The following RPL29 variants were observed in gnomAD, a reference collection of about 807,000 sequenced individuals.
The protein encoded by RPL29 is ribosomal protein L29, also known as large ribosomal subunit protein eL29.
In RPL29, 4 loss-of-function variants were observed where a neutral mutation model predicts 7.2. That is an observed-to-expected ratio of 0.55 (90% CI 0.27 to 1.26). The LOEUF (loss-of-function observed/expected upper bound fraction) is 1.26. Ranked by LOEUF, RPL29 falls within the 50% of genes most tolerant of loss-of-function variation. The probability of loss-of-function intolerance (pLI) is 0.11; values close to 1 mark genes in which losing one functional copy is unlikely to be tolerated. For missense variants in RPL29, 148 were observed against 209.1 expected, an observed-to-expected ratio of 0.71 and a Z score of 1.80; for synonymous variants, 73 against 72.8, an observed-to-expected ratio of 1.00 and a Z score of -0.01.
Position 51,995,422 on chromosome 3 carries a change from T to TA in RPL29, c.37+2dup, listed in dbSNP as rs773459190. 6.2e-7 allele frequency: 1 copy of TA among 1,614,198 alleles called. No homozygotes were observed. Among genetic ancestry groups the TA allele is most frequent in the South Asian group, 1.1e-5 (1 of 91,088 alleles). The stretch of plus-strand genomic sequence containing the variant: ...GGATGTAGGCAGGGCCCAAAAAACT[T>TA]ACACTGGTTGTGTGTGGTGTGGTTC... On this transcript the variant is annotated splice_region_variant and intron_variant, in intron 2 of 3. Coordinates refer to ENST00000294189, the MANE Select transcript of RPL29 (RefSeq NM_000992.3).
rs1046507671 is a variant in RPL29, at chr3:51,993,752, C to T, written c.477G>A (p.Glu159=). The change falls in exon 4 of 4, where the codon GAG becomes GAA. Residue 159 remains glutamate (E), a synonymous_variant. Coordinates refer to ENST00000294189, the MANE Select transcript of RPL29 (RefSeq NM_000992.3). ...GTCCTCATGTTGGCAGAGATATCTA[C>T]TCTGAAGCCTTTGTAGGGGCCTGGG... ...KRTQAPTKAS[E] 1.3e-6 allele frequency: 2 copies of T among 1,589,330 alleles called. No individual in the cohort carries two copies. The highest frequency in any genetic ancestry group is 3.4e-5 in the Admixed American group (2 of 59,288).
At chr3:51,995,807 G>A (rs1200391969) in intron 1 of RPL29, 50 bp downstream of exon 1, 5 of 332,716 alleles carry the variant, frequency 1.5e-5, no homozygotes, top group Non-Finnish European at 2.8e-5. Context: ...GCGCCCCGCC[G>A]CCACCCGTAA....
Position 51,993,729 on chromosome 3 carries a change from C to T in RPL29, c.*20G>A, listed in dbSNP as rs1344681098. ...TGGGGGGTCGCACCAGTCCTTCTGT[C>T]CTCATGTTGGCAGAGATATCTACTC... is the stretch of plus-strand genomic sequence containing the variant. On this transcript the variant is annotated 3_prime_UTR_variant, in exon 4 of 4. Transcript: ENST00000294189. 1.3e-6 allele frequency: 2 copies of T among 1,565,784 alleles called. No individual in the cohort carries two copies. The highest frequency in any genetic ancestry group is 2.3e-5 in the South Asian group (2 of 87,052).
chr3:51,993,589 C>T lies in RPL29; in HGVS notation c.*160G>A. On this transcript the variant is annotated 3_prime_UTR_variant, in exon 4 of 4. Transcript: ENST00000294189. ...TCTCCCACACCAACAGATGGAGCAA[C>T]CAAACCCATCCCCAGGATCATAGAC... is the stretch of plus-strand genomic sequence containing the variant. 1 of 781,984 alleles carries T rather than the reference C, an allele frequency of 1.3e-6. No individual in the cohort carries two copies. Among genetic ancestry groups the T allele is most frequent in the South Asian group, 1.9e-5 (1 of 52,934 alleles). 48.4% of individuals were successfully genotyped at this position (781,984 alleles called of 1,614,324 possible). A position where few individuals can be genotyped will look rare whatever the true frequency, so the allele number is the denominator to read the frequency against.
intron 3 of RPL29, chr3:51,994,745 C>A: frequency 1.5e-6 from 1 of 689,562 alleles, no homozygotes; most frequent in East Asian, 2.7e-5. Flanking sequence ...ATGTGCCCTG[C>A]ACGCACTCAG....
At chr3:51,994,653 G>C (rs933455945) in intron 3 of RPL29, 18 of 565,268 alleles carry the variant, frequency 3.2e-5, no homozygotes, top group Non-Finnish European at 5.1e-5. Flanking sequence ...CTAATCCTTA[G>C]AACCCCCTGA....
rs1701288413 is a variant in RPL29, at chr3:51,994,374, C to T, written c.103-248G>A. Reference sequence around the variant, plus strand: ...ATTACAAGCTGCTTTGCTGCCCTGTCTGCCAAGGTTGTGGGGCTTCAACTT... The same window carrying T: ...ATTACAAGCTGCTTTGCTGCCCTGTTTGCCAAGGTTGTGGGGCTTCAACTT... On this transcript the variant is annotated intron_variant, in intron 3 of 3. Transcript: ENST00000294189. The T allele has an allele frequency of 6.1e-6, 3 of 493,158 alleles. No homozygotes were observed. The South Asian group carries it at 1.0e-4, about 17-fold the overall frequency. 30.5% of individuals were successfully genotyped at this position (493,158 alleles called of 1,614,324 possible). A position where few individuals can be genotyped will look rare whatever the true frequency, so the allele number is the denominator to read the frequency against.
At chr3:51,995,392 G>A (rs553663601) in intron 2 of RPL29, 33 bp downstream of exon 2, 2 of 1,613,210 alleles carry the variant, frequency 1.2e-6, no homozygotes, top group African/African-American at 1.3e-5. Context: ...CCTTGCCAGG[G>A]TCTGGGATGT....
In RPL29 at chr3:51,995,043, C is replaced by T. The variant is rs1336633967; in HGVS notation, c.101G>A (p.Gly34Glu). The T allele has an allele frequency of 1.2e-6, 2 of 1,612,422 alleles. No homozygotes were observed. The highest frequency in any genetic ancestry group is 1.7e-6 in the Non-Finnish European group (2 of 1,178,964). ...TTCCATGTGATTCAGTGCACTCACC[C>T]CCTTAAGAGATTCGTATCTTTGTGA... is the stretch of plus-strand genomic sequence containing the variant. The part of the protein sequence containing the change: ...PRSQRYESLK[G>E]VDPKFLRNMR... Residue 34 changes from glycine (G) to glutamate (E), a missense_variant and splice_region_variant, in exon 3 of 4, where the codon GGG (glycine) becomes GAG (glutamate). Gly to Glu is a moderately conservative substitution (Grantham distance 98, BLOSUM62 -2). Coordinates refer to ENST00000294189, the MANE Select transcript of RPL29 (RefSeq NM_000992.3).
intron 2 of RPL29, 104 bp from the exon 3 acceptor site, chr3:51,995,210 C>T: frequency 9.3e-7 from 1 of 1,078,880 alleles, no homozygotes; most frequent in Non-Finnish European, 1.4e-6. Flanking sequence ...CTTCCTACAG[C>T]AGCTACACTT....
rs941766677 is a variant in RPL29 at position 51,993,661 on chromosome 3, G to A, written c.*88C>T. On this transcript the variant is annotated 3_prime_UTR_variant, in exon 4 of 4. Coordinates refer to ENST00000294189, the MANE Select transcript of RPL29 (RefSeq NM_000992.3). The stretch of plus-strand genomic sequence containing the variant: ...CAGGTTTATTTGTACAAATAGCACA[G>A]GAGGACCCCAGCCCCATGCAGATGG... 21 of 1,304,134 alleles carry A rather than the reference G, an allele frequency of 1.6e-5. No individual in the cohort carries two copies. Among genetic ancestry groups the A allele is most frequent in the African/African-American group, 1.3e-4 (9 of 67,692 alleles). 80.8% of individuals were successfully genotyped at this position (1,304,134 alleles called of 1,614,324 possible).
At position 51,993,868 on chromosome 3, in the gene RPL29, G is replaced by A. The variant is rs200119473; in HGVS notation, c.361C>T (p.Pro121Ser). The change falls in exon 4 of 4, where the codon CCA becomes TCA. Residue 121 changes from proline (P) to serine (S), a missense_variant. Transcript: ENST00000294189. ...GCCTTGGCCTTGGCCTTGGCCTTTG[G>A]CCGGCACAGCCTGAGCCCCTTGGCA... The part of the protein sequence containing the change: ...RIAKGLRLCR[P>S]KAKAKAKAKD... 7 of 1,480,040 alleles carry A rather than the reference G, an allele frequency of 4.7e-6. No individual in the cohort carries two copies. Among genetic ancestry groups the A allele is most frequent in the Non-Finnish European group, 6.5e-6 (7 of 1,079,754 alleles). 91.7% of individuals were successfully genotyped at this position (1,480,040 alleles called of 1,614,324 possible).
intron 3 of RPL29, chr3:51,994,548 TTGTG>T: frequency 2.8e-6 from 1 of 352,974 alleles, no homozygotes; most frequent in Non-Finnish European, 5.2e-6. Context: ...GGCTCAGAGT[TTGTG>T]ATTCACTCCA....
intron 3 of RPL29, chr3:51,994,767 C>T: frequency 2.9e-6 from 2 of 698,784 alleles, no homozygotes; most frequent in Non-Finnish European, 2.6e-6. Flanking sequence ...CAAGGCCACT[C>T]CTTACCCTAA....
At position 51,993,600 on chromosome 3, in the gene RPL29, C is replaced by G; in HGVS notation, c.*149G>C. 1 of 850,472 alleles carries G rather than the reference C, an allele frequency of 1.2e-6. No homozygotes were observed. Among genetic ancestry groups the G allele is most frequent in the Non-Finnish European group, 1.8e-6 (1 of 554,178 alleles). The allele number at this position is 850,472 out of a possible 1,614,324, so 52.7% of individuals were successfully genotyped here. Reference sequence around the variant, plus strand: ...AACAGATGGAGCAACCAAACCCATCCCCAGGATCATAGACAGAGGCTAACA... The same window carrying G: ...AACAGATGGAGCAACCAAACCCATCGCCAGGATCATAGACAGAGGCTAACA... On this transcript the variant is annotated 3_prime_UTR_variant, in exon 4 of 4. Coordinates refer to ENST00000294189, the MANE Select transcript of RPL29 (RefSeq NM_000992.3).
rs796621837 is a variant in RPL29, at chr3:51,995,219, T to G, written c.38-113A>C. The stretch of plus-strand genomic sequence containing the variant: ...CCAACACTTCCTACAGCAGCTACAC[T>G]TGAGATATGGGAAACCCTTACTACT... On this transcript the variant is annotated intron_variant, in intron 2 of 3. Transcript: ENST00000294189. The G allele has an allele frequency of 8.6e-6, 9 of 1,045,794 alleles. No individual in the cohort carries two copies. The South Asian group carries it at 1.0e-4, about 12-fold the overall frequency. The allele number at this position is 1,045,794 out of a possible 1,614,324, so 64.8% of individuals were successfully genotyped here.
rs768359256 is a variant in RPL29, at chr3:51,993,839, C to T, written c.390G>A (p.Lys130=). Residue 130 remains lysine, a synonymous_variant, in exon 4 of 4, where the codon AAG becomes AAA. Transcript: ENST00000294189. ...CTGCAGCCTGGGCCTTGGTTTGATC[C>T]TTGGCCTTGGCCTTGGCCTTGGCCT... ...RPKAKAKAKA[K]DQTKAQAAAP... 2 of 1,441,676 alleles carry T rather than the reference C, an allele frequency of 1.4e-6. No homozygotes were observed. Among genetic ancestry groups the T allele is most frequent in the South Asian group, 2.6e-5 (2 of 76,782 alleles). The allele number at this position is 1,441,676 out of a possible 1,614,324, so 89.3% of individuals were successfully genotyped here.
At chr3:51,994,898 G>A (rs748412131) in intron 3 of RPL29, 144 bp downstream of exon 3, 2 of 803,548 alleles carry the variant, frequency 2.5e-6, no homozygotes, top group Non-Finnish European at 4.5e-6. Flanking sequence ...GTCTGGTAGG[G>A]TAGAAAAAGG....
chr3:51,995,001 G>C lies in RPL29; in HGVS notation c.102+41C>G, dbSNP rs1701296470. On this transcript the variant is annotated intron_variant, in intron 3 of 3. Transcript: ENST00000294189. The stretch of plus-strand genomic sequence containing the variant: ...ATGAGAGGCCTTGACTGTGCACCTG[G>C]AACCAAGAAAAGACACTTCCATGTG... 3.8e-6 allele frequency: 6 copies of C among 1,564,182 alleles called. No individual in the cohort carries two copies. The South Asian group carries it at 5.6e-5, about 14-fold the overall frequency.
Sources: gnomAD v4.1 joint callset for allele counts on GRCh38, gnomAD v4.1.1 for gene constraint, MANE v1.5 for transcripts, NCBI Gene and HGNC (gene_info 2026-07-23, HGNC 2026-07-21) for gene names.